TUBAL3: variants seen among roughly 807,000 people sequenced by gnomAD.
TUBAL3 encodes the protein tubulin alpha chain-like 3.
In TUBAL3, 16 loss-of-function variants were observed where a neutral mutation model predicts 15.5. That is an observed-to-expected ratio of 1.04 (90% CI 0.70 to 1.57). TUBAL3 has a LOEUF of 1.57. Ranked by LOEUF, TUBAL3 falls within the 40% of genes most tolerant of loss-of-function variation. TUBAL3 has a pLI of 0.00. For synonymous variants in TUBAL3, 238 were observed against 224.3 expected (o/e 1.06, Z -0.55); for missense variants, 609 against 576.2 (o/e 1.06, Z -0.58).
At position 5,394,191 on chromosome 10, in the gene TUBAL3, T is replaced by A; in HGVS notation, c.667A>T (p.Lys223Ter). The stretch of plus-strand genomic sequence containing the variant: ...TGAGAGGGGCATTCAACACCGAGTT[T>A]ACGATGGCATATATCATAGACGGCC... ...NEAVYDICHR[K>*]LGVECPSHAS... The change falls in exon 4 of 4, where the codon AAA becomes TAA. Residue 223 changes from lysine to a stop codon, truncating the protein, a stop_gained. Transcript: ENST00000380419. LOFTEE classifies it low-confidence loss of function (END_TRUNC). The surrounding 1 kb of genome is among the most constrained non-coding windows in gnomAD (Gnocchi z 4.3). 1 of 1,614,186 alleles carries A rather than the reference T, an allele frequency of 6.2e-7. No individual in the cohort carries two copies. The highest frequency in any genetic ancestry group is 8.5e-7 in the Non-Finnish European group (1 of 1,180,044).
In TUBAL3 at chr10:5,396,954, T is replaced by C. The variant is rs782583933; in HGVS notation, c.248-1479A>G. 2.0e-5 allele frequency among the ~76,000 whole-genome samples: 3 copies of C among 152,348 alleles called. No homozygotes were observed. Among genetic ancestry groups the C allele is most frequent in the Middle Eastern group, 3.4e-3 (1 of 294 alleles). On this transcript the variant is annotated intron_variant, in intron 2 of 3. Coordinates refer to ENST00000380419, the MANE Select transcript of TUBAL3 (RefSeq NM_024803.3). The surrounding 1 kb of genome is among the most constrained non-coding windows in gnomAD (Gnocchi z 5.1). ...AGCTAGAGAGAAGTTACTTAGTCAATGATTTTAGCTCATAAATAAGGATTA... is the reference window on the plus strand; with the variant it reads ...AGCTAGAGAGAAGTTACTTAGTCAACGATTTTAGCTCATAAATAAGGATTA...
Position 5,395,511 on chromosome 10 carries a change from C to T in TUBAL3, c.248-36G>A. 1 of 1,397,280 alleles carries T rather than the reference C, an allele frequency of 7.2e-7. No homozygotes were observed. Among genetic ancestry groups the T allele is most frequent in the African/African-American group, 1.5e-5 (1 of 68,568 alleles). 86.6% of individuals were successfully genotyped at this position (1,397,280 alleles called of 1,614,324 possible). A position where few individuals can be genotyped will look rare whatever the true frequency, so the allele number is the denominator to read the frequency against. On this transcript the variant is annotated intron_variant, in intron 2 of 3. Coordinates refer to ENST00000380419, the MANE Select transcript of TUBAL3 (RefSeq NM_024803.3). The surrounding 1 kb of genome is among the most constrained non-coding windows in gnomAD (Gnocchi z 4.6). ...TGAAAGGAGGTCAGTGCAACTCACC[C>T]AGTGCAATTCAGCCGTCCACCTGCT...
rs781822090 is a variant in TUBAL3, at chr10:5,394,144, C to A, written c.714G>T (p.Val238=). 3 of 1,614,192 alleles carry A rather than the reference C, an allele frequency of 1.9e-6. No individual in the cohort carries two copies. Among genetic ancestry groups the A allele is most frequent in the Non-Finnish European group, 8.5e-7 (1 of 1,180,040 alleles). The part of the protein sequence containing the change: ...CPSHASINRL[V]VQVVSSITAS... ...CAGTGATGGAAGATACCACCTGAAC[C>A]ACCAATCTATTGATGCTGGCATGAG... Residue 238 remains valine, a synonymous_variant, in exon 4 of 4, where the codon GTG becomes GTT. Coordinates refer to ENST00000380419, the MANE Select transcript of TUBAL3 (RefSeq NM_024803.3). The surrounding 1 kb of genome is among the most constrained non-coding windows in gnomAD (Gnocchi z 4.3).
intron 2 of TUBAL3, among the ~76,000 whole-genome samples, 155 bp downstream of exon 2, chr10:5,400,689 T>C (rs1831836080): frequency 6.6e-6 from 1 of 152,240 alleles, no homozygotes; most frequent in Non-Finnish European, 1.5e-5. Context: ...GTGTTTGTCA[T>C]GTTAATCACC....
At position 5,395,453 on chromosome 10, in the gene TUBAL3, G is replaced by C. The variant is rs199609704; in HGVS notation, c.270C>G (p.His90Gln). 2.0e-4 allele frequency: 309 copies of C among 1,570,800 alleles called. 1 individual carries two copies. The highest frequency in any genetic ancestry group is 8.1e-4 in the Admixed American group (46 of 56,884). Residue 90 changes from histidine (H) to glutamine (Q), a missense_variant, in exon 3 of 4, where the codon CAC becomes CAG. His to Gln is a conservative substitution (Grantham distance 24, BLOSUM62 0). Coordinates refer to ENST00000380419, the MANE Select transcript of TUBAL3 (RefSeq NM_024803.3). The surrounding 1 kb of genome is among the most constrained non-coding windows in gnomAD (Gnocchi z 4.6). ...TVIDGIRTGQ[H>Q]RSLFHPEQLL... ...GCTGCTCGGGGTGGAAGAGTGAACG[G>C]TGCTGGCCCGTCCGGATCCCATCTG...
At chr10:5,403,914 G>A (rs145956994) in intron 1 of TUBAL3, among the ~76,000 whole-genome samples, 208 of 152,252 alleles carry the variant, frequency 1.4e-3, no homozygotes, top group African/African-American at 4.8e-3. Context: ...CAATTTTGAG[G>A]TCTTTGTAGA....
intron 1 of TUBAL3, among the ~76,000 whole-genome samples, chr10:5,404,369 C>A (rs1554814891): frequency 6.6e-6 from 1 of 152,128 alleles, no homozygotes; most frequent in Non-Finnish European, 1.5e-5. Context: ...CGCACTTTAC[C>A]CTGCCAGGCA....
chr10:5,400,567 G>A (rs563933098), intron 2 of TUBAL3, among the ~76,000 whole-genome samples: 1 of 152,160 alleles, frequency 6.6e-6, no homozygotes, highest in Non-Finnish European at 1.5e-5. Context: ...GGAGACGGAG[G>A]TTGCAGTGAG....
In TUBAL3 at chr10:5,393,301, G is replaced by C; in HGVS notation, c.*216C>G. On this transcript the variant is annotated 3_prime_UTR_variant, in exon 4 of 4. Transcript: ENST00000380419. Reference sequence around the variant, plus strand: ...TTCAAAGGACTCTAAGCTTCCAAAGGCTCCCAGGTAGCAGAGCTGACTTGT... The same window carrying C: ...TTCAAAGGACTCTAAGCTTCCAAAGCCTCCCAGGTAGCAGAGCTGACTTGT... 1 of 474,886 alleles carries C rather than the reference G, an allele frequency of 2.1e-6. No individual in the cohort carries two copies. The highest frequency in any genetic ancestry group is 3.7e-6 in the Non-Finnish European group (1 of 273,238). 29.4% of individuals were successfully genotyped at this position (474,886 alleles called of 1,614,324 possible).
chr10:5,402,784 G>T (rs948605856), intron 1 of TUBAL3, among the ~76,000 whole-genome samples: 1 of 152,250 alleles, frequency 6.6e-6, no homozygotes, highest in Non-Finnish European at 1.5e-5. Context: ...TAGGTTGTGT[G>T]CTCCTTATGA....
At position 5,396,382 on chromosome 10, in the gene TUBAL3, G is replaced by A. The variant is rs916907378; in HGVS notation, c.248-907C>T. 3.0e-4 allele frequency among the ~76,000 whole-genome samples: 46 copies of A among 151,954 alleles called. No individual in the cohort carries two copies. The highest frequency in any genetic ancestry group is 1.1e-3 in the African/African-American group (44 of 41,366). On this transcript the variant is annotated intron_variant, in intron 2 of 3. Coordinates refer to ENST00000380419, the MANE Select transcript of TUBAL3 (RefSeq NM_024803.3). This position sits in a 1 kb window ranked among gnomAD's most constrained non-coding sequence, Gnocchi z 5.1. ...AAATTAGCCAGGCATGGTGGTGGGT[G>A]CCTGTAATCCCAGCTACTCGGGAGA... is the stretch of plus-strand genomic sequence containing the variant.
Position 5,394,552 on chromosome 10 carries a change from C to T in TUBAL3, c.397-91G>A, listed in dbSNP as rs1831734187. On this transcript the variant is annotated intron_variant, in intron 3 of 3. Coordinates refer to ENST00000380419, the MANE Select transcript of TUBAL3 (RefSeq NM_024803.3). The surrounding 1 kb of genome is among the most constrained non-coding windows in gnomAD (Gnocchi z 4.3). ...AGTGGCAGGATACAACAGGTTTCCC[C>T]AAAACAAAATCTTTCAGAAAGGACT... 1 of 1,219,940 alleles carries T rather than the reference C, an allele frequency of 8.2e-7. No individual in the cohort carries two copies. Among genetic ancestry groups the T allele is most frequent in the Non-Finnish European group, 1.1e-6 (1 of 885,570 alleles). 75.6% of individuals were successfully genotyped at this position (1,219,940 alleles called of 1,614,324 possible). A position where few individuals can be genotyped will look rare whatever the true frequency, so the allele number is the denominator to read the frequency against.
chr10:5,395,954 C>T lies in TUBAL3; in HGVS notation c.248-479G>A, dbSNP rs1379730777. Among the ~76,000 whole-genome samples the T allele has an allele frequency of 1.3e-5, 2 of 152,110 alleles. No individual in the cohort carries two copies. The highest frequency in any genetic ancestry group is 2.9e-5 in the Non-Finnish European group (2 of 68,020). On this transcript the variant is annotated intron_variant, in intron 2 of 3. Transcript: ENST00000380419. The surrounding 1 kb of genome is among the most constrained non-coding windows in gnomAD (Gnocchi z 4.6). ...TACCTCTGGCATACAAGCCTTTTCCCCTGTATGTGTGTCTGTGCTCTCTCC... is the reference window on the plus strand; with the variant it reads ...TACCTCTGGCATACAAGCCTTTTCCTCTGTATGTGTGTCTGTGCTCTCTCC...
At chr10:5,398,142 C>G (rs1331058201) in intron 2 of TUBAL3, among the ~76,000 whole-genome samples, 2 of 151,908 alleles carry the variant, frequency 1.3e-5, no homozygotes, top group South Asian at 4.1e-4. Flanking sequence ...AAAAATTGGC[C>G]GGGTGCAGTG....
intron 1 of TUBAL3, 64 bp downstream of exon 1, chr10:5,404,726 G>A (rs1831904198): frequency 6.4e-6 from 10 of 1,558,732 alleles, no homozygotes; most frequent in Non-Finnish European, 8.8e-6. Flanking sequence ...GTTTGCTGTG[G>A]GAAAAGGGCC....
At position 5,395,284 on chromosome 10, in the gene TUBAL3, G is replaced by T; in HGVS notation, c.396+43C>A. 2 of 1,424,218 alleles carry T rather than the reference G, an allele frequency of 1.4e-6. No individual in the cohort carries two copies. 88.2% of individuals were successfully genotyped at this position (1,424,218 alleles called of 1,614,324 possible). Reference sequence around the variant, plus strand: ...TGAGTTCTGCCGCAGGACCCCACATGCCCCAGGCACAGCCCACTCGGAGGA... The same window carrying T: ...TGAGTTCTGCCGCAGGACCCCACATTCCCCAGGCACAGCCCACTCGGAGGA... On this transcript the variant is annotated intron_variant, in intron 3 of 3. Transcript: ENST00000380419. This position sits in a 1 kb window ranked among gnomAD's most constrained non-coding sequence, Gnocchi z 4.6.
Position 5,393,914 on chromosome 10 carries a change from C to T in TUBAL3, c.944G>A (p.Arg315Gln), listed in dbSNP as rs144912794. ...GCAGCAGGCCATGTACTTCCCAAGC[C>T]GAGGATCACACTTGACCAGCTGGTT... ...SSNQLVKCDP[R>Q]LGKYMACCLL... The change falls in exon 4 of 4, where the codon CGG becomes CAG. Residue 315 changes from arginine (R) to glutamine (Q), a missense_variant. By Grantham distance (43) the Arg-to-Gln change is conservative. Transcript: ENST00000380419. The T allele has an allele frequency of 1.7e-5, 27 of 1,614,198 alleles. No individual in the cohort carries two copies. Among genetic ancestry groups the T allele is most frequent in the African/African-American group, 5.3e-5 (4 of 75,050 alleles).
Position 5,401,051 on chromosome 10 carries a change from T to C in TUBAL3, c.40A>G (p.Ile14Val). 1 of 1,614,192 alleles carries C rather than the reference T, an allele frequency of 6.2e-7. No individual in the cohort carries two copies. The highest frequency in any genetic ancestry group is 8.5e-7 in the Non-Finnish European group (1 of 1,180,030). ...CLSIHIGQAG[I>V]QIGDACWELY... ...TCCCAGCAGGCGTCCCCAATCTGGA[T>C]GCCAGCTTGACCGATGTGGATGGAA... Residue 14 changes from isoleucine (I) to valine (V), a missense_variant, in exon 2 of 4, where the codon ATC becomes GTC. Ile to Val is a conservative substitution (Grantham distance 29). Transcript: ENST00000380419.
At position 5,402,092 on chromosome 10, in the gene TUBAL3, T is replaced by G. The variant is rs116358910; in HGVS notation, c.4-1005A>C. On this transcript the variant is annotated intron_variant, in intron 1 of 3. Coordinates refer to ENST00000380419, the MANE Select transcript of TUBAL3 (RefSeq NM_024803.3). ...GTATGATGTCCAATATGTTCAAAAATAGGCATAAAAATCTAAAAGAAAATG... is the reference window on the plus strand; with the variant it reads ...GTATGATGTCCAATATGTTCAAAAAGAGGCATAAAAATCTAAAAGAAAATG... Among the ~76,000 whole-genome samples, 1,371 of 152,272 alleles carry G rather than the reference T, an allele frequency of 9.0e-3. 23 individuals are homozygous for G. Among genetic ancestry groups the G allele is most frequent in the African/African-American group, 0.031 (1,270 of 41,568 alleles).
Sources: allele counts gnomAD v4.1 joint callset (sites outside exome capture counted in the v4.1 genomes callset), GRCh38; gene constraint gnomAD v4.1.1; non-coding constraint Gnocchi (gnomAD v3.1); transcripts MANE v1.5; gene names NCBI Gene and HGNC (gene_info 2026-07-23, HGNC 2026-07-21).